Variants in SOD2 observed in about 807,000 individuals in gnomAD.
SOD2 encodes superoxide dismutase [Mn], mitochondrial.
Under a neutral mutation model 27.0 loss-of-function variants are expected in SOD2, and 11 were observed. The observed-to-expected ratio is 0.41, with a 90% CI of 0.26 to 0.67. The LOEUF (loss-of-function observed/expected upper bound fraction) is 0.67. SOD2 is among the 30% of genes least tolerant of loss of function. SOD2 has a pLI of 0.34. For synonymous variants in SOD2, 105 were observed against 103.0 expected (o/e 1.02, Z -0.12); for missense variants, 250 against 274.5 (o/e 0.91, Z 0.63).
At chr6:159,693,051 C>G (rs1777308459) in intron 1 of SOD2, 94 bp downstream of exon 1, 1 of 1,491,946 alleles carries the variant, frequency 6.7e-7, no homozygotes, top group Non-Finnish European at 8.9e-7. Context: ...TCCCGCCAGG[C>G]CCGGTGCGGC....
upstream of SOD2, among the ~76,000 whole-genome samples, chr6:159,731,894 C>G (rs1312694787): frequency 2.0e-5 from 3 of 152,166 alleles, no homozygotes; most frequent in Admixed American, 2.0e-4. Context: ...CCTTTAAAAA[C>G]AGATTATCAT....
Position 159,692,879 on chromosome 6 carries a change from C to G in SOD2, c.24-16G>C, listed in dbSNP as rs992975046. 1.3e-5 allele frequency: 20 copies of G among 1,581,822 alleles called. No individual in the cohort carries two copies. The highest frequency in any genetic ancestry group is 1.6e-5 in the Non-Finnish European group (19 of 1,165,664). ...CCTGCTGGTGCTGAAGACGAGAAAG[C>G]ACAGCCCGGTCAGTCAGCGCCGCGG... On this transcript the variant is annotated splice_polypyrimidine_tract_variant and intron_variant, in intron 1 of 4. Transcript: ENST00000538183.
At chr6:159,736,221 A>G (rs769932482) in intron 1 of SOD2, 18 of 1,576,068 alleles carry the variant, frequency 1.1e-5, no homozygotes, top group Non-Finnish European at 1.5e-5. Flanking sequence ...CTGGAAGAAA[A>G]TAAATTGAAC....
rs1442209487 is a variant in SOD2 at position 159,712,701 on chromosome 6, GACCTCCATAACC to G, written c.-116+14416_-116+14427del. The G allele has an allele frequency of 1.7e-4, 62 of 361,134 alleles. No individual in the cohort carries two copies. The Middle Eastern group carries it at 2.0e-3, about 12-fold the overall frequency. The allele number at this position is 361,134 out of a possible 1,614,324, so 22.4% of individuals were successfully genotyped here. A position where few individuals can be genotyped will look rare whatever the true frequency, so the allele number is the denominator to read the frequency against. Reference sequence around the variant, plus strand: ...TCCATAACCACGACTCAGCTGCTCTGACCTCCATAACCACCTCCATAACCACCACTCACACTA... The same window carrying G: ...TCCATAACCACGACTCAGCTGCTCTGACCTCCATAACCACCACTCACACTA... On this transcript the variant is annotated intron_variant, in intron 1 of 2. Coordinates refer to the SOD2 transcript ENST00000401980.
exon 1 of SOD2, chr6:159,762,240 G>A: frequency 7.0e-7 from 1 of 1,431,164 alleles, no homozygotes; most frequent in South Asian, 1.4e-5. Context: ...CGTATGTGGA[G>A]GAAGCCGGTC....
At chr6:159,696,814 G>A (rs1026551258), upstream of SOD2, among the ~76,000 whole-genome samples, 3 of 152,070 alleles carry the variant, frequency 2.0e-5, no homozygotes, top group Admixed American at 1.3e-4. Context: ...GGCTGAGGTG[G>A]GAAGATTGCT....
At position 159,708,608 on chromosome 6, in the gene SOD2, C is replaced by G. The variant is rs554196916; in HGVS notation, c.-115-15745G>C. Among the ~76,000 whole-genome samples the G allele has an allele frequency of 8.5e-5, 13 of 152,048 alleles. No individual in the cohort carries two copies. The East Asian group carries it at 2.5e-3, about 29-fold the overall frequency. ...AGGAGAACTACAAACCACTGCTCAA[C>G]GAAATAAAAGAGGACACAAACAAAT... On this transcript the variant is annotated intron_variant, in intron 1 of 2. Coordinates refer to the SOD2 transcript ENST00000401980.
chr6:159,733,960 A>G (rs1169159463), intron 1 of SOD2, among the ~76,000 whole-genome samples: 1 of 152,234 alleles, frequency 6.6e-6, no homozygotes, highest in Admixed American at 6.5e-5. Context: ...CCAGTAATCT[A>G]AGATCAATTT....
rs1033944001 is a variant in SOD2 at position 159,677,317 on chromosome 6, G to A, written c.*5176C>T. ...TGAGAAATCTTAAATTTTTTTTAAC[G>A]TGTCCCAGAAGCATCTTGACAACAG... On this transcript the variant is annotated 3_prime_UTR_variant, in exon 5 of 5. Transcript: ENST00000538183. 7.9e-5 allele frequency: 12 copies of A among 152,002 alleles called. No homozygotes were observed. The highest frequency in any genetic ancestry group is 2.9e-4 in the African/African-American group (12 of 41,354). The allele number at this position is 152,002 out of a possible 1,614,324, so 9.4% of individuals were successfully genotyped here. A position where few individuals can be genotyped will look rare whatever the true frequency, so the allele number is the denominator to read the frequency against.
At chr6:159,702,880 G>T (rs921797391) in intron 1 of SOD2, among the ~76,000 whole-genome samples, 6 of 143,330 alleles carry the variant, frequency 4.2e-5, no homozygotes, top group South Asian at 2.2e-4. Flanking sequence ...AAAAAGCCAG[G>T]TGTTGTGGTA....
chr6:159,747,486 T>G (rs569742927), upstream of SOD2, among the ~76,000 whole-genome samples: 129 of 152,328 alleles, frequency 8.5e-4, no homozygotes, highest in South Asian at 8.3e-4. Context: ...GGGAAAAATA[T>G]GAATTATACT....
chr6:159,688,512 G>C (rs1780299878), intron 2 of SOD2, among the ~76,000 whole-genome samples: 1 of 151,386 alleles, frequency 6.6e-6, no homozygotes, highest in African/African-American at 2.4e-5. Flanking sequence ...AGAGATTTTA[G>C]GAAATGAAAC....
chr6:159,757,557 C>T (rs2025188), intron 1 of SOD2, among the ~76,000 whole-genome samples: 31,998 of 151,738 alleles, frequency 0.21, 3,530 homozygotes, highest in East Asian at 0.41. Flanking sequence ...GGATTACAGG[C>T]GTGCGCCACC....
chr6:159,734,375 C>CA (rs67668924), intron 1 of SOD2, among the ~76,000 whole-genome samples: 27,545 of 130,576 alleles, frequency 0.21, 2,791 homozygotes, highest in East Asian at 0.43. Context: ...GACTCCATCT[C>CA]AAAAAAAAAA....
intron 1 of SOD2, among the ~76,000 whole-genome samples, chr6:159,701,376 A>G (rs1777519843): frequency 6.6e-6 from 1 of 152,182 alleles, no homozygotes; most frequent in African/African-American, 2.4e-5. Flanking sequence ...TGATTATAAG[A>G]CTTTTTATTA....
Position 159,677,244 on chromosome 6 carries a change from C to T in SOD2, c.*5249G>A, listed in dbSNP as rs1277916015. On this transcript the variant is annotated 3_prime_UTR_variant, in exon 5 of 5. Coordinates refer to ENST00000538183, the MANE Select transcript of SOD2 (RefSeq NM_000636.4). ...ATGGGACACACTGAAAGATGACTAG[C>T]ATGTCATAGGAACTTGAAAGCATTC... 1.3e-5 allele frequency: 2 copies of T among 152,180 alleles called. No individual in the cohort carries two copies. The highest frequency in any genetic ancestry group is 4.8e-5 in the African/African-American group (2 of 41,438). The allele number at this position is 152,180 out of a possible 1,614,324, so 9.4% of individuals were successfully genotyped here.
At chr6:159,743,609 A>T in intron 1 of SOD2, 1 of 1,492,280 alleles carries the variant, frequency 6.7e-7, no homozygotes, top group Admixed American at 2.1e-5. Flanking sequence ...TTCTTGACAG[A>T]GGTATTTAGA....
rs1032386625 is a variant in SOD2, at chr6:159,743,204, C to T, written c.-116+1926G>A. On this transcript the variant is annotated intron_variant, in intron 1 of 3. Coordinates refer to the SOD2 transcript ENST00000537657. Reference sequence around the variant, plus strand: ...CTGGGATTACAGACATGCATCACCACGACTGGCTAATTTTGTATTTTTAGT... The same window carrying T: ...CTGGGATTACAGACATGCATCACCATGACTGGCTAATTTTGTATTTTTAGT... 5.9e-5 allele frequency among the ~76,000 whole-genome samples: 9 copies of T among 152,128 alleles called. No homozygotes were observed. The South Asian group carries it at 1.4e-3, about 24-fold the overall frequency.
chr6:159,705,858 A>G (rs1056004462), intron 1 of SOD2, among the ~76,000 whole-genome samples: 1 of 152,250 alleles, frequency 6.6e-6, no homozygotes, highest in Non-Finnish European at 1.5e-5. Flanking sequence ...TGTTAAGGGC[A>G]GCCAGAGAGA....
Sources: allele counts gnomAD v4.1 joint callset (sites outside exome capture counted in the v4.1 genomes callset), GRCh38; gene constraint gnomAD v4.1.1; transcripts MANE v1.5; gene names NCBI Gene and HGNC (gene_info 2026-07-23, HGNC 2026-07-21).